CTNNA2: variants seen among roughly 807,000 people sequenced by gnomAD.
CTNNA2 encodes catenin alpha 2, also known as catenin alpha-2.
Under a neutral mutation model 101.0 loss-of-function variants are expected in CTNNA2, and 42 were observed. The observed-to-expected ratio is 0.42, with a 90% confidence interval of 0.32 to 0.54. The LOEUF (loss-of-function observed/expected upper bound fraction) is 0.54. CTNNA2 is among the 20% of genes least tolerant of loss of function. The pLI is 0.14. For missense variants in CTNNA2, 871 were observed against 1,223.1 expected, an observed-to-expected ratio of 0.71 and a Z score of 4.29; for synonymous variants, 450 against 456.4, an observed-to-expected ratio of 0.99 and a Z score of 0.18.
intron 1 of CTNNA2, among the ~76,000 whole-genome samples, chr2:79,526,581 A>G (rs1345053201): frequency 6.6e-6 from 1 of 152,124 alleles, no homozygotes; most frequent in Non-Finnish European, 1.5e-5. Context: ...AACTAACCGC[A>G]AAAGTATAAT....
At chr2:79,350,321 C>T (rs1287009613) in intron 3 of CTNNA2, among the ~76,000 whole-genome samples, 2 of 152,070 alleles carry the variant, frequency 1.3e-5, no homozygotes, top group African/African-American at 2.4e-5. Context: ...ATGTCTGTTA[C>T]TTCCATCTTC....
intron 7 of CTNNA2, among the ~76,000 whole-genome samples, chr2:79,964,464 AG>A (rs1236742831): frequency 4.0e-5 from 6 of 151,732 alleles, no homozygotes; most frequent in Non-Finnish European, 8.8e-5. Context: ...TTCCCCTTTT[AG>A]CAACTCATGA....
Position 80,232,337 on chromosome 2 carries a change from GTTTGTTTGTTTTTTTTTT to G in CTNNA2, c.1057-160870_1057-160853del, listed in dbSNP as rs1709271767. ...GAATTTGGGTTTTGTTTGTTTGTTT[GTTTGTTTGTTTTTTTTTT>G]TTTTTTTTTTTTTTTTTTTTTTTTT... On this transcript the variant is annotated intron_variant, in intron 7 of 18. Transcript: ENST00000402739. Among the ~76,000 whole-genome samples, 12 of 45,038 alleles carry G rather than the reference GTTTGTTTGTTTTTTTTTT, an allele frequency of 2.7e-4. No homozygotes were observed. The South Asian group carries it at 4.2e-3, about 16-fold the overall frequency. 29.5% of individuals were successfully genotyped at this position (45,038 alleles called of 152,430 possible).
chr2:80,471,778 T>C (rs934309576), intron 9 of CTNNA2, among the ~76,000 whole-genome samples: 3 of 151,884 alleles, frequency 2.0e-5, no homozygotes, highest in Admixed American at 2.0e-4. Flanking sequence ...GGTTTTTTGT[T>C]TGTCTGTTGG....
chr2:79,829,093 A>C (rs1678666964), intron 3 of CTNNA2, among the ~76,000 whole-genome samples: 1 of 152,156 alleles, frequency 6.6e-6, no homozygotes, highest in African/African-American at 2.4e-5. Flanking sequence ...GAAGAATGAG[A>C]ACAGTTGAGA....
At chr2:79,896,746 A>AC (rs1220714499) in intron 6 of CTNNA2, among the ~76,000 whole-genome samples, 1 of 152,238 alleles carries the variant, frequency 6.6e-6, no homozygotes, top group Non-Finnish European at 1.5e-5. Flanking sequence ...AAGCTTAATA[A>AC]TGGGAATTAA....
At chr2:79,770,707 A>G (rs1203481985) in intron 3 of CTNNA2, among the ~76,000 whole-genome samples, 1 of 152,208 alleles carries the variant, frequency 6.6e-6, no homozygotes, top group Non-Finnish European at 1.5e-5. Flanking sequence ...AGAGAGATAT[A>G]TATGTTCTTT....
intron 3 of CTNNA2, among the ~76,000 whole-genome samples, chr2:79,317,064 C>T (rs1032490343): frequency 2.0e-5 from 3 of 151,924 alleles, no homozygotes; most frequent in African/African-American, 4.8e-5. Context: ...GATGAAAAAG[C>T]TACCTTCTAT....
At chr2:79,894,210 A>G (rs541076417) in intron 6 of CTNNA2, among the ~76,000 whole-genome samples, 1 of 152,146 alleles carries the variant, frequency 6.6e-6, no homozygotes, top group Non-Finnish European at 1.5e-5. Context: ...TTGATATGCT[A>G]TGAATTCAGT....
At chr2:80,437,748 C>T (rs567099394) in intron 9 of CTNNA2, among the ~76,000 whole-genome samples, 9 of 152,322 alleles carry the variant, frequency 5.9e-5, no homozygotes, top group South Asian at 2.1e-4. Flanking sequence ...CCTGTAATCC[C>T]GGCACTTTGG....
At chr2:80,458,544 A>C (rs575327551) in intron 9 of CTNNA2, among the ~76,000 whole-genome samples, 188 of 152,208 alleles carry the variant, frequency 1.2e-3, no homozygotes, top group Non-Finnish European at 2.0e-3. Flanking sequence ...CTAGATAGCA[A>C]GTTCAATTTT....
chr2:80,328,290 C>A (rs1055625278), intron 7 of CTNNA2: 1 of 471,006 alleles, frequency 2.1e-6, no homozygotes, highest in Non-Finnish European at 4.4e-6. Context: ...CTTCTTTGCT[C>A]TGTCCTGAAT....
intron 9 of CTNNA2, among the ~76,000 whole-genome samples, chr2:80,442,778 A>C (rs1009372962): frequency 2.0e-5 from 3 of 152,202 alleles, no homozygotes; most frequent in African/African-American, 7.2e-5. Flanking sequence ...CACCAGAATG[A>C]GCAGCCTCAG....
intron 2 of CTNNA2, among the ~76,000 whole-genome samples, chr2:79,673,642 A>T (rs980528489): frequency 6.6e-6 from 1 of 152,136 alleles, no homozygotes; most frequent in South Asian, 2.1e-4. Flanking sequence ...ATGAATGACC[A>T]TTTGCCTTTT....
At chr2:79,621,598 A>G (rs747260809) in intron 1 of CTNNA2, among the ~76,000 whole-genome samples, 2 of 152,180 alleles carry the variant, frequency 1.3e-5, no homozygotes, top group Non-Finnish European at 2.9e-5. Context: ...ATGTGATTGA[A>G]TAAATAAATA....
chr2:79,294,161 G>A (rs555865156), intron 2 of CTNNA2, among the ~76,000 whole-genome samples: 37 of 151,188 alleles, frequency 2.4e-4, no homozygotes, highest in African/African-American at 8.3e-4. Context: ...CTGTGTCCTC[G>A]CATGGCAGAC....
intron 7 of CTNNA2, among the ~76,000 whole-genome samples, chr2:80,033,076 G>T (rs898761951): frequency 2.0e-5 from 3 of 149,934 alleles, no homozygotes; most frequent in Non-Finnish European, 4.4e-5. Context: ...GCTTGAACCT[G>T]GGAGGCAGAG....
chr2:80,103,105 C>A (rs2148846177), intron 7 of CTNNA2, among the ~76,000 whole-genome samples: 1 of 152,234 alleles, frequency 6.6e-6, no homozygotes, highest in East Asian at 1.9e-4. Flanking sequence ...ACTGAGTTTC[C>A]TGTCCTTGAT....
chr2:80,246,911 C>T lies in CTNNA2; in HGVS notation c.1057-146300C>T, dbSNP rs114798332. The stretch of plus-strand genomic sequence containing the variant: ...AGATAAGAATCAAGGCCTATGGTAC[C>T]TTAGTATGTCCTTGGAAATACAATT... On this transcript the variant is annotated intron_variant, in intron 7 of 18. Coordinates refer to ENST00000402739, the MANE Select transcript of CTNNA2 (RefSeq NM_001282597.3). 9.8e-3 allele frequency among the ~76,000 whole-genome samples: 1,495 copies of T among 152,266 alleles called. 23 individuals are homozygous for T. Among genetic ancestry groups the T allele is most frequent in the African/African-American group, 0.034 (1,422 of 41,540 alleles).
Sources: allele counts gnomAD v4.1 joint callset (sites outside exome capture counted in the v4.1 genomes callset), GRCh38; gene constraint gnomAD v4.1.1; transcripts MANE v1.5; gene names NCBI Gene and HGNC (gene_info 2026-07-23, HGNC 2026-07-21).